WNK3: variants seen among roughly 807,000 people sequenced by gnomAD.
WNK3 encodes serine/threonine-protein kinase WNK3.
Under a neutral mutation model 116.7 loss-of-function variants are expected in WNK3, and 18 were observed. The observed-to-expected ratio is 0.15, with a 90% CI of 0.11 to 0.23. The LOEUF (loss-of-function observed/expected upper bound fraction) is 0.23. Among genes scored for constraint, WNK3 ranks in the 10% least tolerant of loss-of-function variants. WNK3 has a pLI of 1.00. For synonymous variants in WNK3, 404 were observed against 469.4 expected (o/e 0.86, Z 1.80); for missense variants, 993 against 1,323.8 (o/e 0.75, Z 3.88).
At chrX:54,346,946 A>AT (rs2069439885) in intron 1 of WNK3, among the ~76,000 whole-genome samples, 2 of 111,713 alleles carry the variant, frequency 1.8e-5, no homozygotes, top group South Asian at 7.4e-4. Context: ...AAAACCATAT[A>AT]TTTTCTAAAG....
intron 2 of WNK3, among the ~76,000 whole-genome samples, chrX:54,315,342 T>C (rs1350729778): frequency 9.3e-6 from 1 of 107,521 alleles, no homozygotes; most frequent in Non-Finnish European, 1.9e-5. Context: ...ACCCCTACAC[T>C]GTCCACTTCT....
At chrX:54,307,889 C>A in intron 5 of WNK3, 33 bp downstream of exon 5, 3 of 1,116,384 alleles carry the variant, frequency 2.7e-6, no homozygotes, top group East Asian at 3.1e-5. Context: ...AACGTGGCAA[C>A]TGATAAAGTA....
intron 22 of WNK3, among the ~76,000 whole-genome samples, chrX:54,213,920 G>A (rs1238264059): frequency 1.8e-5 from 2 of 110,860 alleles, no homozygotes; most frequent in Non-Finnish European, 3.8e-5. Context: ...CACCCAACAT[G>A]AAATACGTAA....
intron 1 of WNK3, among the ~76,000 whole-genome samples, chrX:54,344,764 C>G (rs1385730538): frequency 1.7e-4 from 17 of 101,378 alleles, no homozygotes; most frequent in Middle Eastern, 6.4e-3. Context: ...CTAACACGGT[C>G]AAACCCCGTC....
intron 1 of WNK3, among the ~76,000 whole-genome samples, chrX:54,344,805 G>A (rs2069387147): frequency 9.3e-6 from 1 of 107,779 alleles, no homozygotes; most frequent in Non-Finnish European, 1.9e-5. Context: ...TTAGCCGGGC[G>A]TGGTGGCGAG....
At chrX:54,198,221 G>T in exon 24 of WNK3, 2 of 746,689 alleles carry the variant, frequency 2.7e-6, no homozygotes, top group Non-Finnish European at 3.7e-6. Context: ...AAACTCAAAT[G>T]AGGGAAAATA....
chrX:54,216,144 A>T (rs2067691754), intron 22 of WNK3, among the ~76,000 whole-genome samples: 3 of 109,943 alleles, frequency 2.7e-5, no homozygotes, highest in African/African-American at 9.9e-5. Context: ...AACACTGCGG[A>T]AGGTGGAAGG....
chrX:54,259,502 T>C (rs1557156278), intron 10 of WNK3, among the ~76,000 whole-genome samples, 164 bp from the exon 11 acceptor site: 1 of 111,973 alleles, frequency 8.9e-6, no homozygotes, highest in Non-Finnish European at 1.9e-5. Flanking sequence ...TTAACATTAT[T>C]ACCAAAGATA....
In WNK3 at chrX:54,265,166, C is replaced by T. The variant is rs782449070; in HGVS notation, c.2038-5828G>A. Among the ~76,000 whole-genome samples, 20 of 111,582 alleles carry T rather than the reference C, an allele frequency of 1.8e-4. No homozygotes were observed. The South Asian group carries it at 7.6e-3, about 42-fold the overall frequency. On this transcript the variant is annotated intron_variant, in intron 10 of 23. Transcript: ENST00000354646. ...ATCTCCTTGTCCTCAAGCTATAGGC[C>T]TATGAAAGGGTTTAATCATCATTCA...
At chrX:54,326,051 A>G (rs2147235820) in intron 2 of WNK3, among the ~76,000 whole-genome samples, 1 of 110,857 alleles carries the variant, frequency 9.0e-6, no homozygotes, top group Admixed American at 9.7e-5. Context: ...TACAAAGAAC[A>G]ATAGGTCAAA....
intron 17 of WNK3, among the ~76,000 whole-genome samples, chrX:54,246,744 A>G (rs1850872976): frequency 8.9e-6 from 1 of 112,082 alleles, no homozygotes; most frequent in Non-Finnish European, 1.9e-5. Context: ...ATTAAATTAA[A>G]AATTCAGGCC....
At chrX:54,253,117 T>A (rs1371912527) in intron 13 of WNK3, among the ~76,000 whole-genome samples, 2 of 109,135 alleles carry the variant, frequency 1.8e-5, no homozygotes, top group African/African-American at 6.6e-5. Flanking sequence ...TTCTTACACA[T>A]TGTATACCTA....
chrX:54,215,316 G>C (rs550034604), intron 22 of WNK3, among the ~76,000 whole-genome samples: 3 of 110,708 alleles, frequency 2.7e-5, no homozygotes, highest in South Asian at 3.8e-4. Flanking sequence ...TCAGCCTGCC[G>C]AGTGCCTGGG....
chrX:54,278,658 T>C (rs1441882567), intron 10 of WNK3, among the ~76,000 whole-genome samples: 1 of 111,575 alleles, frequency 9.0e-6, no homozygotes, highest in Non-Finnish European at 1.9e-5. Flanking sequence ...TTTTCAATGA[T>C]GCTATGGCAA....
At chrX:54,346,565 C>T (rs936224507) in intron 1 of WNK3, among the ~76,000 whole-genome samples, 6 of 97,271 alleles carry the variant, frequency 6.2e-5, no homozygotes, top group Non-Finnish European at 1.2e-4. Context: ...GTGATCACAC[C>T]ACTGTACTCC....
chrX:54,274,421 C>T (rs1205891188), intron 10 of WNK3, among the ~76,000 whole-genome samples: 3 of 111,615 alleles, frequency 2.7e-5, no homozygotes, highest in Admixed American at 9.6e-5. Flanking sequence ...TGGCCATAAT[C>T]TCTACCTTCA....
chrX:54,214,296 G>A (rs2067656992), intron 22 of WNK3, among the ~76,000 whole-genome samples: 1 of 110,962 alleles, frequency 9.0e-6, no homozygotes, highest in Non-Finnish European at 1.9e-5. Flanking sequence ...AGTTTGAAAA[G>A]TTAAAAACCT....
At chrX:54,219,542 G>A (rs1301914521) in intron 22 of WNK3, among the ~76,000 whole-genome samples, 2 of 108,023 alleles carry the variant, frequency 1.9e-5, no homozygotes, top group Admixed American at 2.0e-4. Flanking sequence ...GCCAGGCCTA[G>A]TGGCGGGCAC....
At chrX:54,321,983 CAAA>C (rs782573142) in intron 2 of WNK3, among the ~76,000 whole-genome samples, 3 of 61,139 alleles carry the variant, frequency 4.9e-5, no homozygotes, top group Admixed American at 2.0e-4. Context: ...GACTCCATCC[CAAA>C]AAAAAAAAAA....
Sources: allele counts gnomAD v4.1 joint callset (sites outside exome capture counted in the v4.1 genomes callset), GRCh38; gene constraint gnomAD v4.1.1; transcripts MANE v1.5; gene names NCBI Gene and HGNC (gene_info 2026-07-23, HGNC 2026-07-21).